Variants in PDILT observed in about 807,000 individuals in gnomAD.
PDILT encodes protein disulfide isomerase like, testis expressed, also known as protein disulfide-isomerase-like protein of the testis.
In PDILT, 43 loss-of-function variants were observed where a neutral mutation model predicts 53.7. That is an observed-to-expected ratio of 0.80 (90% CI 0.63 to 1.03). PDILT has a LOEUF of 1.03. PDILT is among the 50% of genes least tolerant of loss of function. PDILT has a pLI of 0.00. For missense variants in PDILT, 727 were observed against 712.3 expected, an observed-to-expected ratio of 1.02 and a Z score of -0.24; for synonymous variants, 282 against 274.2, an observed-to-expected ratio of 1.03 and a Z score of -0.28.
chr16:20,361,004 G>GT (rs1966092549), intron 10 of PDILT, among the ~76,000 whole-genome samples: 1 of 152,162 alleles, frequency 6.6e-6, no homozygotes, highest in African/African-American at 2.4e-5. Context: ...TCGTAGGGTT[G>GT]TTATAAGGAT....
chr16:20,403,376 G>T (rs574291978), intron 1 of PDILT, among the ~76,000 whole-genome samples: 1 of 152,074 alleles, frequency 6.6e-6, no homozygotes, highest in Non-Finnish European at 1.5e-5. Flanking sequence ...TGCAGCCTCC[G>T]CCTCCTGGGT....
intron 2 of PDILT, among the ~76,000 whole-genome samples, chr16:20,385,307 G>A (rs1459429337): frequency 6.6e-6 from 1 of 152,126 alleles, no homozygotes; most frequent in East Asian, 1.9e-4. Flanking sequence ...TATACATGAG[G>A]AAGCTGAAGC....
chr16:20,361,023 G>A (rs4490010), intron 10 of PDILT, among the ~76,000 whole-genome samples: 13,114 of 152,116 alleles, frequency 0.086, 1,150 homozygotes, highest in African/African-American at 0.22. Flanking sequence ...ATTAAATGAG[G>A]TAATGTATGT....
chr16:20,383,422 G>A (rs1450239747), intron 3 of PDILT, among the ~76,000 whole-genome samples: 1 of 152,094 alleles, frequency 6.6e-6, no homozygotes, highest in East Asian at 1.9e-4. Flanking sequence ...ATCCTCTGTT[G>A]CTTCTCTCAC....
intron 3 of PDILT, among the ~76,000 whole-genome samples, chr16:20,383,621 A>G (rs1413580445): frequency 6.6e-6 from 1 of 152,200 alleles, no homozygotes; most frequent in Non-Finnish European, 1.5e-5. Flanking sequence ...AGCATCCTGC[A>G]GCCCCTGGAT....
intron 9 of PDILT, among the ~76,000 whole-genome samples, chr16:20,363,545 G>A (rs1966142870): frequency 6.6e-6 from 1 of 151,836 alleles, no homozygotes; most frequent in Admixed American, 6.6e-5. Context: ...TAGAGGTTTG[G>A]GAACTTGCCC....
At position 20,362,433 on chromosome 16, in the gene PDILT, A is replaced by G; in HGVS notation, c.1387T>C (p.Phe463Leu). Residue 463 changes from phenylalanine (F) to leucine (L), a missense_variant, in exon 10 of 12, where the codon TTC becomes CTC. By Grantham distance (22) the Phe-to-Leu change is conservative (BLOSUM62 0). Coordinates refer to ENST00000302451, the MANE Select transcript of PDILT (RefSeq NM_174924.2). ...QLMYLDRYPF[F>L]RLFPSGSQQA... ...TGAGAGCCGCTGGGGAACAGCCTGAAGAATGGGTACCGGTCCAGGTACATC... is the reference window on the plus strand; with the variant it reads ...TGAGAGCCGCTGGGGAACAGCCTGAGGAATGGGTACCGGTCCAGGTACATC... The G allele has an allele frequency of 6.2e-7, 1 of 1,614,248 alleles. No individual in the cohort carries two copies. Among genetic ancestry groups the G allele is most frequent in the Non-Finnish European group, 8.5e-7 (1 of 1,180,046 alleles).
At chr16:20,371,503 T>C (rs924489443) in intron 7 of PDILT, among the ~76,000 whole-genome samples, 4 of 152,348 alleles carry the variant, frequency 2.6e-5, no homozygotes, top group Non-Finnish European at 5.9e-5. Context: ...TTTCAATAAA[T>C]ATTTGCTACC....
chr16:20,376,280 T>G lies in PDILT; in HGVS notation c.410-79A>C, dbSNP rs145625152. On this transcript the variant is annotated intron_variant, in intron 3 of 11. Coordinates refer to ENST00000302451, the MANE Select transcript of PDILT (RefSeq NM_174924.2). ...GCAAGAAGCTGGTCTTTCTCAAGTT[T>G]AATGCATAGAACCTTCTTGTCTCAG... 650 of 1,552,910 alleles carry G rather than the reference T, an allele frequency of 4.2e-4. 5 individuals carry two copies. The East Asian group carries it at 0.014, about 33-fold the overall frequency.
chr16:20,380,425 C>G (rs1052673320), intron 3 of PDILT, among the ~76,000 whole-genome samples: 9 of 151,988 alleles, frequency 5.9e-5, no homozygotes, highest in Non-Finnish European at 1.3e-4. Context: ...GCAACCTCTG[C>G]CTCCTGGGTT....
chr16:20,396,182 A>G (rs1298152627), intron 2 of PDILT, among the ~76,000 whole-genome samples: 1 of 152,208 alleles, frequency 6.6e-6, no homozygotes, highest in African/African-American at 2.4e-5. Flanking sequence ...TATAATGACT[A>G]TACCACTTTC....
At chr16:20,385,298 A>G (rs562351278) in intron 2 of PDILT, among the ~76,000 whole-genome samples, 134 of 152,270 alleles carry the variant, frequency 8.8e-4, no homozygotes, top group Non-Finnish European at 1.5e-3. Context: ...TCTCAATTTT[A>G]TACATGAGGA....
chr16:20,361,280 G>C (rs375869415), intron 10 of PDILT, among the ~76,000 whole-genome samples: 6 of 147,984 alleles, frequency 4.1e-5, no homozygotes, highest in Admixed American at 1.4e-4. Flanking sequence ...CTGCCTCCCA[G>C]GTTCAAGCGA....
intron 3 of PDILT, among the ~76,000 whole-genome samples, chr16:20,376,459 TAATCCTATGA>T (rs1176530334): frequency 6.6e-6 from 1 of 152,174 alleles, no homozygotes; most frequent in African/African-American, 2.4e-5. Flanking sequence ...ATCTTCACAA[TAATCCTATGA>T]AATAGACACT....
At chr16:20,373,511 T>C (rs1966337558) in intron 5 of PDILT, among the ~76,000 whole-genome samples, 1 of 152,198 alleles carries the variant, frequency 6.6e-6, no homozygotes, top group Non-Finnish European at 1.5e-5. Context: ...CCCAGGAGAT[T>C]CAGGACTTCT....
chr16:20,374,308 A>T (rs1158614688), intron 5 of PDILT, among the ~76,000 whole-genome samples: 1 of 151,938 alleles, frequency 6.6e-6, no homozygotes, highest in East Asian at 1.9e-4. Flanking sequence ...GGTGAAGGAG[A>T]GGGAAGTGTT....
At chr16:20,371,930 C>A (rs1966312784) in intron 7 of PDILT, among the ~76,000 whole-genome samples, 1 of 151,746 alleles carries the variant, frequency 6.6e-6, no homozygotes, top group Non-Finnish European at 1.5e-5. Context: ...GTAGCATGAC[C>A]ATTACTTGTG....
intron 3 of PDILT, among the ~76,000 whole-genome samples, chr16:20,383,079 G>T (rs1966483668): frequency 6.6e-6 from 1 of 152,164 alleles, no homozygotes; most frequent in Admixed American, 6.5e-5. Flanking sequence ...CTTCCTGTAT[G>T]GCAGACGAGG....
Position 20,399,098 on chromosome 16 carries a change from C to T in PDILT, c.202+1G>A, listed in dbSNP as rs148911811. 59 of 1,614,012 alleles carry T rather than the reference C, an allele frequency of 3.7e-5. No individual in the cohort carries two copies. The highest frequency in any genetic ancestry group is 6.7e-5 in the African/African-American group (5 of 74,938). On this transcript the variant is annotated splice_donor_variant, in intron 2 of 11. Coordinates refer to ENST00000302451, the MANE Select transcript of PDILT (RefSeq NM_174924.2). LOFTEE classifies it high-confidence loss of function. ...CCATCACCCAGGATGGGGGCACTCA[C>T]GGAAAAGCACCATGAGGAAGCGGGT...
Sources: gnomAD v4.1 joint callset for allele counts (sites outside exome capture counted in the v4.1 genomes callset) on GRCh38, gnomAD v4.1.1 for gene constraint, MANE v1.5 for transcripts, NCBI Gene and HGNC (gene_info 2026-07-23, HGNC 2026-07-21) for gene names.